BNIP1: variants seen among roughly 807,000 people sequenced by gnomAD.
BNIP1 encodes BCL2 interacting protein 1.
Under a neutral mutation model 28.5 loss-of-function variants are expected in BNIP1, and 25 were observed. The ratio of observed to expected loss-of-function variants is 0.88; its 90% CI spans 0.64 to 1.23. The LOEUF is 1.23. BNIP1 is among the 50% of genes most tolerant of loss of function. The pLI is 0.00. For synonymous variants in BNIP1, 118 were observed against 101.7 expected (o/e 1.16, Z -0.96); for missense variants, 276 against 277.0 (o/e 1.00, Z 0.02).
chr5:173,163,101 C>T (rs1404779529), intron 5 of BNIP1, among the ~76,000 whole-genome samples: 2 of 152,198 alleles, frequency 1.3e-5, no homozygotes, highest in Non-Finnish European at 2.9e-5. Context: ...GGCCCAGATA[C>T]CCATATTCAG....
chr5:173,155,286 A>G (rs1040980689), intron 3 of BNIP1, among the ~76,000 whole-genome samples: 1 of 152,254 alleles, frequency 6.6e-6, no homozygotes, highest in East Asian at 1.9e-4. Flanking sequence ...AACTTTTCCA[A>G]TGAAATTGTC....
intron 5 of BNIP1, among the ~76,000 whole-genome samples, chr5:173,162,213 T>C (rs1253672025): frequency 6.6e-6 from 1 of 152,238 alleles, no homozygotes; most frequent in Non-Finnish European, 1.5e-5. Context: ...AAATTAATTT[T>C]AGTAAGATGT....
intron 3 of BNIP1, among the ~76,000 whole-genome samples, chr5:173,155,676 G>A (rs1001579019): frequency 3.3e-5 from 5 of 152,156 alleles, no homozygotes; most frequent in African/African-American, 7.2e-5. Context: ...CTGGGTGACA[G>A]AGTGAGACTC....
intron 2 of BNIP1, among the ~76,000 whole-genome samples, chr5:173,151,881 T>C (rs987982512): frequency 6.6e-6 from 1 of 152,254 alleles, no homozygotes; most frequent in African/African-American, 2.4e-5. Context: ...GTTTCTTAAG[T>C]ATTTACATAC....
chr5:173,158,883 T>C, intron 4 of BNIP1, 38 bp downstream of exon 4: 1 of 1,531,422 alleles, frequency 6.5e-7, no homozygotes, highest in South Asian at 1.2e-5. Context: ...CCGATAATAA[T>C]AGATAACAAT....
chr5:173,154,524 C>CT (rs10712809), intron 3 of BNIP1, 111 bp downstream of exon 3: 6,147 of 595,474 alleles, frequency 0.01, no homozygotes, highest in East Asian at 0.028. Context: ...TTAATGGTGT[C>CT]TTTTTTTTTT....
In BNIP1 at chr5:173,146,912, A is replaced by C. The variant is rs752396939; in HGVS notation, c.131A>C (p.Asn44Thr). 6.2e-7 allele frequency: 1 copy of C among 1,614,086 alleles called. No individual in the cohort carries two copies. Among genetic ancestry groups the C allele is most frequent in the Non-Finnish European group, 8.5e-7 (1 of 1,179,962 alleles). ...SGPLSALTEL[N>T]TKVKEKFQQL... ...CCCTTAAGTGCTCTTACTGAACTGA[A>C]TACTAAAGTAAAAGAGAAATTTCAA... is the stretch of plus-strand genomic sequence containing the variant. Residue 44 changes from asparagine (N) to threonine (T), a missense_variant, in exon 2 of 6, where the codon AAT becomes ACT. Asn to Thr is a moderately conservative substitution (Grantham distance 65). Coordinates refer to ENST00000351486, the MANE Select transcript of BNIP1 (RefSeq NM_001205.3).
chr5:173,161,674 TA>T (rs1388610016), intron 5 of BNIP1: 1 of 152,158 alleles, frequency 6.6e-6, no homozygotes, highest in African/African-American at 2.4e-5. Context: ...ACCATAATTT[TA>T]AAACAAAAAG....
chr5:173,161,214 A>G (rs568664314), intron 5 of BNIP1: 52 of 174,846 alleles, frequency 3.0e-4, no homozygotes, highest in Admixed American at 2.1e-3. Flanking sequence ...AAGCAACCCC[A>G]TAACTACAAT....
intron 5 of BNIP1, among the ~76,000 whole-genome samples, chr5:173,160,396 G>A (rs1185682295): frequency 2.0e-5 from 3 of 152,020 alleles, no homozygotes; most frequent in Non-Finnish European, 4.4e-5. Context: ...CACCACACCC[G>A]GCTAATTTTG....
intron 5 of BNIP1, among the ~76,000 whole-genome samples, chr5:173,163,219 T>C (rs1760412056): frequency 6.6e-6 from 1 of 152,180 alleles, no homozygotes; most frequent in Non-Finnish European, 1.5e-5. Context: ...GGGACTGGTA[T>C]GTGTGAGGGC....
chr5:173,158,772 C>T lies in BNIP1; in HGVS notation c.298C>T (p.Leu100Phe). 6.2e-7 allele frequency: 1 copy of T among 1,614,106 alleles called. No individual in the cohort carries two copies. Among genetic ancestry groups the T allele is most frequent in the Non-Finnish European group, 8.5e-7 (1 of 1,180,008 alleles). The change falls in exon 4 of 6, where the codon CTC (leucine) becomes TTC (phenylalanine). Residue 100 changes from leucine to phenylalanine, a missense_variant. By Grantham distance (22) the Leu-to-Phe change is conservative. Coordinates refer to ENST00000351486, the MANE Select transcript of BNIP1 (RefSeq NM_001205.3). ...TCAGGCCTCATGGAGGAAAGCTAAT[C>T]TCACCTGCAAAATTGCAATCGACAA... is the stretch of plus-strand genomic sequence containing the variant. ...SNQASWRKAN[L>F]TCKIAIDNLE...
chr5:173,151,583 G>C (rs569930920), intron 2 of BNIP1: 2 of 1,611,110 alleles, frequency 1.2e-6, no homozygotes, highest in African/African-American at 1.3e-5. Context: ...TCTATCAAAG[G>C]GCATTTATTT....
chr5:173,150,863 A>T lies in BNIP1; in HGVS notation c.178-3459A>T, dbSNP rs1759996870. Among the ~76,000 whole-genome samples the T allele has an allele frequency of 1.3e-5, 2 of 151,088 alleles. 1 individual carries two copies. The highest frequency in any genetic ancestry group is 4.9e-5 in the African/African-American group (2 of 40,776). On this transcript the variant is annotated intron_variant, in intron 2 of 5. Coordinates refer to ENST00000351486, the MANE Select transcript of BNIP1 (RefSeq NM_001205.3). ...GTTTTTTTGTTTTTTTTTAAGACGG[A>T]GTCTGGCTCTGTTTCCCAGGCTGGA...
chr5:173,148,928 C>T (rs151287273), intron 2 of BNIP1, among the ~76,000 whole-genome samples: 5 of 152,214 alleles, frequency 3.3e-5, no homozygotes, highest in South Asian at 4.1e-4. Flanking sequence ...TGATGTCTTA[C>T]GTTCTCCATT....
At chr5:173,154,052 G>T (rs1760108086) in intron 2 of BNIP1, among the ~76,000 whole-genome samples, 1 of 152,134 alleles carries the variant, frequency 6.6e-6, no homozygotes, top group Non-Finnish European at 1.5e-5. Flanking sequence ...CAGCTCTGAC[G>T]CCAGGACAGC....
intron 3 of BNIP1, among the ~76,000 whole-genome samples, chr5:173,158,498 G>A (rs1258816069): frequency 6.6e-6 from 1 of 152,238 alleles, no homozygotes; most frequent in Non-Finnish European, 1.5e-5. Flanking sequence ...GGCTGACGGG[G>A]GCAGAGTGAC....
intron 2 of BNIP1, among the ~76,000 whole-genome samples, 175 bp downstream of exon 2, chr5:173,147,133 A>G (rs1413276673): frequency 6.6e-6 from 1 of 152,078 alleles, no homozygotes; most frequent in African/African-American, 2.4e-5. Flanking sequence ...TTGGCCGGGC[A>G]CGGTGGCTCA....
chr5:173,157,976 G>C (rs1173162301), intron 3 of BNIP1, among the ~76,000 whole-genome samples: 1 of 151,120 alleles, frequency 6.6e-6, no homozygotes, highest in African/African-American at 2.4e-5. Flanking sequence ...ACCCAGGCTG[G>C]AGTATAGTGG....
Sources: gnomAD v4.1 joint callset for allele counts (sites outside exome capture counted in the v4.1 genomes callset) on GRCh38, gnomAD v4.1.1 for gene constraint, MANE v1.5 for transcripts, NCBI Gene and HGNC (gene_info 2026-07-23, HGNC 2026-07-21) for gene names.